The following RASA3 variants were observed in gnomAD, a reference collection of about 807,000 sequenced individuals.
RASA3 encodes RAS p21 protein activator 3, also known as ras GTPase-activating protein 3.
A neutral mutation model predicts 110.0 loss-of-function variants in RASA3; 73 were observed. That is an observed-to-expected ratio of 0.66 (90% CI 0.55 to 0.81). The LOEUF (loss-of-function observed/expected upper bound fraction) is 0.81. RASA3 is among the 30% of genes least tolerant of loss of function. The probability of loss-of-function intolerance (pLI) is 0.00; values close to 1 mark genes in which losing one functional copy is unlikely to be tolerated. For synonymous variants in RASA3, 500 were observed against 451.4 expected (o/e 1.11, Z -1.37); for missense variants, 976 against 1,113.2 (o/e 0.88, Z 1.75).
rs368484680 is a variant in RASA3 at position 114,100,814 on chromosome 13, G to A, written c.56-26977C>T. Among the ~76,000 whole-genome samples, 173 of 152,338 alleles carry A rather than the reference G, an allele frequency of 1.1e-3. 2 individuals are homozygous for A. The South Asian group carries it at 0.029, about 26-fold the overall frequency. On this transcript the variant is annotated intron_variant, in intron 1 of 23. Transcript: ENST00000334062. ...AGGGACACCGGAAGCCGTGGAGCCC[G>A]GGCCCCATGCGTCTGTGTTCTCGCC... is the stretch of plus-strand genomic sequence containing the variant.
chr13:114,032,423 C>A (rs1056204752), intron 4 of RASA3, among the ~76,000 whole-genome samples: 3 of 152,294 alleles, frequency 2.0e-5, no homozygotes, highest in South Asian at 4.1e-4. Flanking sequence ...AACTGACATA[C>A]GGCCTCCATG....
At chr13:114,018,030 G>C in intron 11 of RASA3, 74 bp downstream of exon 11, 1 of 1,412,294 alleles carries the variant, frequency 7.1e-7, no homozygotes, top group Non-Finnish European at 9.3e-7. Flanking sequence ...CAGGACACGT[G>C]GTTCTCGGCG....
At chr13:114,005,343 G>A (rs2053490961) in intron 18 of RASA3, among the ~76,000 whole-genome samples, 1 of 152,222 alleles carries the variant, frequency 6.6e-6, no homozygotes, top group African/African-American at 2.4e-5. Context: ...GGTGGAAACG[G>A]GCAGACGTGT....
At chr13:114,128,995 A>G (rs1390131417) in intron 1 of RASA3, among the ~76,000 whole-genome samples, 1 of 152,176 alleles carries the variant, frequency 6.6e-6, no homozygotes, top group African/African-American at 2.4e-5. Flanking sequence ...CACATGTATC[A>G]AGATAAGGCG....
intron 14 of RASA3, 77 bp downstream of exon 14, chr13:114,015,132 G>C (rs944147520): frequency 8.3e-5 from 130 of 1,574,366 alleles, no homozygotes; most frequent in Non-Finnish European, 1.0e-4. Context: ...GCTGCGGGGG[G>C]TTCTGCCTGG....
At chr13:114,004,584 C>T (rs1594303992) in intron 18 of RASA3, among the ~76,000 whole-genome samples, 1 of 152,142 alleles carries the variant, frequency 6.6e-6, no homozygotes, top group Non-Finnish European at 1.5e-5. Context: ...ATGGAGCCGC[C>T]TGAACCCAGC....
At chr13:114,119,836 C>T (rs1191346898) in intron 1 of RASA3, among the ~76,000 whole-genome samples, 2 of 101,270 alleles carry the variant, frequency 2.0e-5, no homozygotes, top group East Asian at 2.8e-4. Flanking sequence ...TCAAGTCCCC[C>T]CCTTCTCTCC....
At chr13:114,001,385 C>T (rs377734675) in intron 18 of RASA3, among the ~76,000 whole-genome samples, 137 of 149,244 alleles carry the variant, frequency 9.2e-4, no homozygotes, top group Admixed American at 2.7e-3. Context: ...GCCGCGGGCT[C>T]GGGGTCAGGG....
At chr13:114,042,962 C>G (rs2054445617) in intron 3 of RASA3, among the ~76,000 whole-genome samples, 1 of 152,220 alleles carries the variant, frequency 6.6e-6, no homozygotes, top group Non-Finnish European at 1.5e-5. Flanking sequence ...TGCCAGCGTT[C>G]CTTCCTATGT....
rs755297106 is a variant in RASA3 at position 113,979,322 on chromosome 13, C to T, written c.*25G>A. 6 of 1,551,372 alleles carry T rather than the reference C, an allele frequency of 3.9e-6. No individual in the cohort carries two copies. The highest frequency in any genetic ancestry group is 1.1e-5 in the South Asian group (1 of 89,804). ...CGGCTTTGCATGGGCAGCTTGCTGG[C>T]GCCACTGGGCGCGTCCCGCAGACTT... On this transcript the variant is annotated 3_prime_UTR_variant, in exon 24 of 24. Transcript: ENST00000334062.
Position 114,011,207 on chromosome 13 carries a change from G to C in RASA3, c.1554C>G (p.Thr518=), listed in dbSNP as rs749302603. 1.2e-6 allele frequency: 2 copies of C among 1,613,002 alleles called. No homozygotes were observed. The highest frequency in any genetic ancestry group is 1.7e-5 in the Admixed American group (1 of 60,002). The change falls in exon 16 of 24, where the codon ACC becomes ACG. Residue 518 remains threonine, a synonymous_variant. Coordinates refer to ENST00000334062, the MANE Select transcript of RASA3 (RefSeq NM_007368.4). The surrounding 1 kb of genome is among the most constrained non-coding windows in gnomAD (Gnocchi z 4.8). ...TSRTLTLISK[T]VQTLGSLSKS... ...TGGACAGGCTGCCGAGGGTCTGAACGGTCTTGGAGATCAATGTCAGCGTCC... is the reference window on the plus strand; with the variant it reads ...TGGACAGGCTGCCGAGGGTCTGAACCGTCTTGGAGATCAATGTCAGCGTCC...
rs1325128165 is a variant in RASA3 at position 114,048,033 on chromosome 13, C to T, written c.277+4019G>A. ...ATTTATACACAAAGAACGGAGGTCT[C>T]GGCCGGGCGCGGTGGCTCACGCCTG... On this transcript the variant is annotated intron_variant, in intron 3 of 23. Coordinates refer to ENST00000334062, the MANE Select transcript of RASA3 (RefSeq NM_007368.4). This position sits in a 1 kb window ranked among gnomAD's most constrained non-coding sequence, Gnocchi z 4.3. Among the ~76,000 whole-genome samples the T allele has an allele frequency of 6.6e-6, 1 of 152,164 alleles. No homozygotes were observed. The highest frequency in any genetic ancestry group is 1.5e-5 in the Non-Finnish European group (1 of 68,034).
At chr13:114,094,229 C>G (rs1407572965) in intron 1 of RASA3, among the ~76,000 whole-genome samples, 19 of 152,254 alleles carry the variant, frequency 1.2e-4, no homozygotes. Context: ...AATTCCACCA[C>G]TCAATAAACT....
In RASA3 at chr13:114,057,590, A is replaced by C; in HGVS notation, c.174-5435T>G. On this transcript the variant is annotated intron_variant, in intron 2 of 23. Transcript: ENST00000334062. The surrounding 1 kb of genome is among the most constrained non-coding windows in gnomAD (Gnocchi z 5.0). ...CACAGGAAGGAAACCTCTCCCCACA[A>C]TGACTGTGCACAGAGCCAGCCTGAC... The C allele has an allele frequency of 3.5e-6, 3 of 866,636 alleles. No individual in the cohort carries two copies. Among genetic ancestry groups the C allele is most frequent in the Non-Finnish European group, 4.2e-6 (3 of 721,860 alleles). The allele number at this position is 866,636 out of a possible 1,614,324, so 53.7% of individuals were successfully genotyped here. A position where few individuals can be genotyped will look rare whatever the true frequency, so the allele number is the denominator to read the frequency against.
chr13:114,003,615 C>T (rs2053451445), intron 18 of RASA3, among the ~76,000 whole-genome samples: 1 of 152,136 alleles, frequency 6.6e-6, no homozygotes, highest in Admixed American at 6.5e-5. Context: ...TAAGCTCTAT[C>T]CTGTGTAGCT....
At chr13:114,097,437 C>T (rs377061096) in intron 1 of RASA3, among the ~76,000 whole-genome samples, 27 of 152,318 alleles carry the variant, frequency 1.8e-4, no homozygotes, top group African/African-American at 6.0e-4. Flanking sequence ...GTCCAAAAGA[C>T]GCCATCGCTG....
intron 1 of RASA3, among the ~76,000 whole-genome samples, chr13:114,110,649 G>C (rs939628076): frequency 6.6e-6 from 1 of 152,172 alleles, no homozygotes; most frequent in African/African-American, 2.4e-5. Flanking sequence ...AACACAACAA[G>C]CTTCCTCCCC....
Position 113,979,059 on chromosome 13 carries a change from C to T in RASA3, c.*288G>A. The T allele has an allele frequency of 2.2e-6, 1 of 460,536 alleles. No individual in the cohort carries two copies. The highest frequency in any genetic ancestry group is 4.0e-6 in the Non-Finnish European group (1 of 250,146). 28.5% of individuals were successfully genotyped at this position (460,536 alleles called of 1,614,324 possible). A position where few individuals can be genotyped will look rare whatever the true frequency, so the allele number is the denominator to read the frequency against. On this transcript the variant is annotated 3_prime_UTR_variant, in exon 24 of 24. Coordinates refer to ENST00000334062, the MANE Select transcript of RASA3 (RefSeq NM_007368.4). ...GGCTGTGGTGTGGCTAGGGCACAGC[C>T]CACACTTCCTGATCCTTCAGCTGAT...
At chr13:114,129,405 CTTAT>C (rs1483327039) in intron 1 of RASA3, among the ~76,000 whole-genome samples, 5 of 152,342 alleles carry the variant, frequency 3.3e-5, no homozygotes, top group African/African-American at 1.2e-4. Flanking sequence ...GCGCTCTCCT[CTTAT>C]TACCTCACCT....
Sources: gnomAD v4.1 joint callset for allele counts (sites outside exome capture counted in the v4.1 genomes callset) on GRCh38, gnomAD v4.1.1 for gene constraint, Gnocchi (gnomAD v3.1) non-coding constraint, MANE v1.5 for transcripts, NCBI Gene and HGNC (gene_info 2026-07-23, HGNC 2026-07-21) for gene names.